DIP2C: variants seen among roughly 807,000 people sequenced by gnomAD.
The protein encoded by DIP2C is DIP2 acetate--CoA ligase C (putative), also known as disco-interacting protein 2 homolog C.
A neutral mutation model predicts 192.4 loss-of-function variants in DIP2C; 33 were observed. The observed-to-expected ratio is 0.17, with a 90% CI of 0.13 to 0.23. The LOEUF is 0.23. Among genes scored for constraint, DIP2C ranks in the 10% least tolerant of loss-of-function variants. DIP2C has a pLI of 1.00. For synonymous variants in DIP2C, 979 were observed against 864.1 expected (o/e 1.13, Z -2.33); for missense variants, 1,537 against 2,110.1 (o/e 0.73, Z 5.32).
At chr10:605,106 C>T (rs994792986) in intron 1 of DIP2C, among the ~76,000 whole-genome samples, 1 of 152,194 alleles carries the variant, frequency 6.6e-6, no homozygotes, top group African/African-American at 2.4e-5. Context: ...GGTCCAGGGT[C>T]GGCTCCCAGC....
chr10:410,252 T>C (rs1029159543), intron 8 of DIP2C, among the ~76,000 whole-genome samples: 2 of 152,232 alleles, frequency 1.3e-5, no homozygotes, highest in African/African-American at 4.8e-5. Context: ...TTCCCGGTCA[T>C]ACTACGTGCT....
intron 1 of DIP2C, among the ~76,000 whole-genome samples, chr10:582,323 C>A (rs1033466361): frequency 1.3e-5 from 2 of 152,222 alleles, no homozygotes; most frequent in African/African-American, 4.8e-5. Flanking sequence ...TGCCATGCAC[C>A]CAACCCAAAT....
At chr10:305,535 A>G (rs1164000543) in intron 32 of DIP2C, among the ~76,000 whole-genome samples, 1 of 152,234 alleles carries the variant, frequency 6.6e-6, no homozygotes, top group Non-Finnish European at 1.5e-5. Flanking sequence ...CTTTTCTGGT[A>G]ATACCCTTTA....
intron 1 of DIP2C, among the ~76,000 whole-genome samples, chr10:582,818 G>C (rs957176350): frequency 6.6e-6 from 1 of 152,050 alleles, no homozygotes; most frequent in African/African-American, 2.4e-5. Context: ...GACACAAAGG[G>C]GCTATGACAA....
intron 29 of DIP2C, among the ~76,000 whole-genome samples, chr10:337,754 A>C (rs62636713): frequency 0.012 from 142 of 11,790 alleles, 1 homozygote; most frequent in African/African-American, 0.034. Context: ...GACTAGGCTG[A>C]TGTGTGTGTG....
intron 31 of DIP2C, among the ~76,000 whole-genome samples, chr10:312,728 GAATA>G (rs779292823): frequency 2.0e-4 from 31 of 152,294 alleles, no homozygotes; most frequent in African/African-American, 6.3e-4. Context: ...GGCAGAGCAT[GAATA>G]AATAAAGTAA....
intron 30 of DIP2C, among the ~76,000 whole-genome samples, chr10:328,984 C>T (rs1338495247): frequency 6.6e-6 from 1 of 152,170 alleles, no homozygotes; most frequent in Admixed American, 6.5e-5. Flanking sequence ...GTTAACTGAA[C>T]TGTAAAATGA....
At chr10:421,506 A>G (rs115594145) in intron 5 of DIP2C, among the ~76,000 whole-genome samples, 1,698 of 152,236 alleles carry the variant, frequency 0.011, 35 homozygotes, top group African/African-American at 0.039. Flanking sequence ...CAATATACAC[A>G]TGGAATTTTA....
intron 1 of DIP2C, among the ~76,000 whole-genome samples, chr10:617,161 T>C (rs1485778469): frequency 6.8e-6 from 1 of 146,936 alleles, no homozygotes; most frequent in African/African-American, 2.5e-5. Context: ...GCCTGACTTA[T>C]TTCCTGCCCC....
chr10:384,261 C>T (rs1962654253), intron 15 of DIP2C, 115 bp from the exon 16 acceptor site: 2 of 1,323,504 alleles, frequency 1.5e-6, no homozygotes, highest in South Asian at 2.8e-5. Context: ...GTCACCCAGC[C>T]CCCACAAACC....
chr10:439,743 A>T (rs1470735512), intron 4 of DIP2C, among the ~76,000 whole-genome samples: 1 of 141,468 alleles, frequency 7.1e-6, no homozygotes, highest in Non-Finnish European at 1.5e-5. Context: ...ACTTGGAATA[A>T]TGTGGGCATA....
At chr10:641,238 CTG>C (rs1436971337) in intron 1 of DIP2C, among the ~76,000 whole-genome samples, 3 of 152,138 alleles carry the variant, frequency 2.0e-5, no homozygotes, top group African/African-American at 7.2e-5. Flanking sequence ...CTAGGTGAGT[CTG>C]TGACTGAGGG....
intron 18 of DIP2C, 98 bp from the exon 19 acceptor site, chr10:366,509 A>G (rs1133113): frequency 0.58 from 900,866 of 1,542,808 alleles, 273,679 homozygotes; most frequent in Non-Finnish European, 0.64. Flanking sequence ...ACCAGTGAAC[A>G]GGAATGGGGT....
intron 17 of DIP2C, among the ~76,000 whole-genome samples, chr10:378,920 C>T (rs1041599246): frequency 3.9e-5 from 6 of 152,226 alleles, no homozygotes; most frequent in South Asian, 2.1e-4. Context: ...CACAGACATG[C>T]GTGAGGACAG....
chr10:555,418 G>A (rs374826182), intron 1 of DIP2C, among the ~76,000 whole-genome samples: 6 of 152,238 alleles, frequency 3.9e-5, no homozygotes, highest in African/African-American at 1.2e-4. Flanking sequence ...AGGACACGCT[G>A]GCTACTATGA....
At chr10:659,328 A>G (rs966458036) in intron 1 of DIP2C, among the ~76,000 whole-genome samples, 1 of 152,246 alleles carries the variant, frequency 6.6e-6, no homozygotes, top group African/African-American at 2.4e-5. Context: ...GTACCAAGAC[A>G]CATACATGCA....
At chr10:508,577 C>A (rs920365746) in intron 1 of DIP2C, among the ~76,000 whole-genome samples, 1 of 152,140 alleles carries the variant, frequency 6.6e-6, no homozygotes, top group Non-Finnish European at 1.5e-5. Context: ...CAGCAAAGAC[C>A]ACTCAATGGT....
Position 674,072 on chromosome 10 carries a change from G to A in DIP2C, c.85+15422C>T, listed in dbSNP as rs183930209. 1.1e-4 allele frequency among the ~76,000 whole-genome samples: 16 copies of A among 152,300 alleles called. No individual in the cohort carries two copies. The East Asian group carries it at 3.1e-3, about 29-fold the overall frequency. The stretch of plus-strand genomic sequence containing the variant: ...CTACTTCCTTTTCATATTAATTTGT[G>A]TACAAGTAACTAAGTGAGAAAATCT... On this transcript the variant is annotated intron_variant, in intron 1 of 36. Transcript: ENST00000280886.
At chr10:472,270 C>G (rs199582595) in intron 3 of DIP2C, among the ~76,000 whole-genome samples, 169 bp downstream of exon 3, 58 of 152,290 alleles carry the variant, frequency 3.8e-4, no homozygotes, top group Non-Finnish European at 6.5e-4. Context: ...AGCTATTTAC[C>G]GGACACTGGC....
Sources: allele counts gnomAD v4.1 joint callset (sites outside exome capture counted in the v4.1 genomes callset), GRCh38; gene constraint gnomAD v4.1.1; transcripts MANE v1.5; gene names NCBI Gene and HGNC (gene_info 2026-07-23, HGNC 2026-07-21).